SOS2: variants seen among roughly 807,000 people sequenced by gnomAD.
SOS2 encodes the protein SOS Ras/Rho guanine nucleotide exchange factor 2.
In SOS2, 65 loss-of-function variants were observed where a neutral mutation model predicts 148.2. The ratio of observed to expected loss-of-function variants is 0.44; its 90% CI spans 0.36 to 0.54. The LOEUF is 0.54. SOS2 is among the 20% of genes least tolerant of loss of function. The probability of loss-of-function intolerance (pLI) is 0.00; values close to 1 mark genes in which losing one functional copy is unlikely to be tolerated. For missense variants in SOS2, 1,341 were observed against 1,590.2 expected (o/e 0.84, Z 2.67); for synonymous variants, 539 against 537.1 (o/e 1.00, Z -0.05).
chr14:50,159,028 A>G (rs994842291), intron 10 of SOS2, among the ~76,000 whole-genome samples: 2 of 151,878 alleles, frequency 1.3e-5, no homozygotes, highest in African/African-American at 4.8e-5. Flanking sequence ...ACTAAAAATA[A>G]AGAAAAAAAA....
chr14:50,150,783 C>T (rs980377746), intron 13 of SOS2, among the ~76,000 whole-genome samples: 14 of 152,048 alleles, frequency 9.2e-5, no homozygotes, highest in African/African-American at 3.4e-4. Flanking sequence ...AGAATAATGG[C>T]GTGATCTCGG....
intron 19 of SOS2, 56 bp from the exon 20 acceptor site, chr14:50,130,818 C>T: frequency 6.7e-7 from 1 of 1,501,856 alleles, no homozygotes; most frequent in South Asian, 1.3e-5. Flanking sequence ...CAATTTGTTT[C>T]TGTGACTTAG....
rs778752431 is a variant in SOS2, at chr14:50,117,214, TAAAC to T, written c.*1126_*1129del. The stretch of plus-strand genomic sequence containing the variant: ...CAGTAAAAGGCCACAAACCAGTAAA[TAAAC>T]AACGTGGCTTTTGGCTACTTTACAA... On this transcript the variant is annotated 3_prime_UTR_variant, in exon 23 of 23. Transcript: ENST00000216373. 2.0e-5 allele frequency: 3 copies of T among 152,166 alleles called. No individual in the cohort carries two copies. The highest frequency in any genetic ancestry group is 4.8e-5 in the African/African-American group (2 of 41,440). 9.4% of individuals were successfully genotyped at this position (152,166 alleles called of 1,614,324 possible).
At chr14:50,222,769 C>G (rs1887238741) in intron 1 of SOS2, among the ~76,000 whole-genome samples, 1 of 152,162 alleles carries the variant, frequency 6.6e-6, no homozygotes, top group African/African-American at 2.4e-5. Context: ...GGAGGTGGGG[C>G]AGCCCTAGAC....
rs1173204281 is a variant in SOS2, at chr14:50,118,403, G to A, written c.3940C>T (p.Leu1314Phe). 6.2e-7 allele frequency: 1 copy of A among 1,614,164 alleles called. No individual in the cohort carries two copies. The highest frequency in any genetic ancestry group is 8.5e-7 in the Non-Finnish European group (1 of 1,180,030). ...KLPPKTYKRELSHPPLYRLPL... is the reference protein window; with the variant it reads ...KLPPKTYKREFSHPPLYRLPL... ...AGTCTGTACAATGGGGGGTGCGAAA[G>A]CTCCCGTTTGTAAGTCTTTGGTGGC... The change falls in exon 23 of 23, where the codon CTT becomes TTT. Residue 1314 changes from leucine (L) to phenylalanine (F), a missense_variant. This residue lies in a region of SOS2 where 354 missense variants were observed against 347.7 expected (regional missense o/e 1.02). Coordinates refer to ENST00000216373, the MANE Select transcript of SOS2 (RefSeq NM_006939.4).
chr14:50,184,307 C>A lies in SOS2; in HGVS notation c.715-1701G>T, dbSNP rs560307664. On this transcript the variant is annotated intron_variant, in intron 5 of 22. Transcript: ENST00000216373. ...AATGGAAACATCACGGGCTTTGGAACCTGACAGACCTGAGCTTGGATCCTG... is the reference window on the plus strand; with the variant it reads ...AATGGAAACATCACGGGCTTTGGAAACTGACAGACCTGAGCTTGGATCCTG... Among the ~76,000 whole-genome samples, 6 of 152,212 alleles carry A rather than the reference C, an allele frequency of 3.9e-5. No individual in the cohort carries two copies. The South Asian group carries it at 1.2e-3, about 32-fold the overall frequency.
At chr14:50,144,665 T>G (rs1433530194) in intron 16 of SOS2, among the ~76,000 whole-genome samples, 1 of 152,158 alleles carries the variant, frequency 6.6e-6, no homozygotes, top group Non-Finnish European at 1.5e-5. Context: ...TTCGAACTCC[T>G]GAGCTCAGGT....
At chr14:50,229,850 T>C (rs1887487751) in intron 1 of SOS2, among the ~76,000 whole-genome samples, 1 of 152,224 alleles carries the variant, frequency 6.6e-6, no homozygotes, top group Non-Finnish European at 1.5e-5. Flanking sequence ...AAAGGGCTAA[T>C]TACTATCTAG....
chr14:50,229,153 G>C (rs1044785728), intron 1 of SOS2, among the ~76,000 whole-genome samples: 1 of 152,068 alleles, frequency 6.6e-6, no homozygotes, highest in Non-Finnish European at 1.5e-5. Flanking sequence ...GCTCTTAGCA[G>C]GCACTACAGA....
At chr14:50,139,100 T>C (rs1221260498) in intron 17 of SOS2, among the ~76,000 whole-genome samples, 1 of 152,190 alleles carries the variant, frequency 6.6e-6, no homozygotes, top group African/African-American at 2.4e-5. Flanking sequence ...GTTAAATCTA[T>C]TCTGACCAAA....
chr14:50,226,915 C>A (rs1003321181), intron 1 of SOS2, among the ~76,000 whole-genome samples: 8 of 152,172 alleles, frequency 5.3e-5, no homozygotes, highest in African/African-American at 1.9e-4. Flanking sequence ...AGGTAATAAA[C>A]TGCATTTACA....
chr14:50,142,384 A>G (rs1048018737), intron 16 of SOS2, among the ~76,000 whole-genome samples: 1 of 152,186 alleles, frequency 6.6e-6, no homozygotes, highest in Non-Finnish European at 1.5e-5. Flanking sequence ...GCAAACACCC[A>G]AACAGAAAAA....
intron 19 of SOS2, 42 bp downstream of exon 19, chr14:50,134,081 T>A (rs1480141262): frequency 3.1e-6 from 3 of 959,284 alleles, no homozygotes; most frequent in Non-Finnish European, 5.1e-6. Context: ...AATAATATTT[T>A]AAAAAACAGA....
At chr14:50,181,951 C>CA (rs1221588567) in intron 6 of SOS2, among the ~76,000 whole-genome samples, 1 of 144,916 alleles carries the variant, frequency 6.9e-6, no homozygotes, top group East Asian at 2.0e-4. Context: ...GAGCTATGGT[C>CA]AATAAAATGT....
intron 19 of SOS2, 30 bp downstream of exon 19, chr14:50,134,093 C>A: frequency 9.7e-7 from 1 of 1,035,500 alleles, no homozygotes; most frequent in Non-Finnish European, 1.5e-6. Flanking sequence ...AAAAACAGAA[C>A]ACTTGTTCCC....
At chr14:50,182,702 C>T in intron 5 of SOS2, 96 bp from the exon 6 acceptor site, 2 of 929,124 alleles carry the variant, frequency 2.2e-6, no homozygotes, top group Non-Finnish European at 1.6e-6. Flanking sequence ...TCGAGGCAGA[C>T]TGCCTATGGA....
At chr14:50,228,245 T>C (rs1461855033) in intron 1 of SOS2, among the ~76,000 whole-genome samples, 3 of 152,032 alleles carry the variant, frequency 2.0e-5, no homozygotes. Flanking sequence ...GGTTTCACCA[T>C]GCTGGCCAGG....
intron 1 of SOS2, among the ~76,000 whole-genome samples, chr14:50,230,215 C>T (rs563346938): frequency 6.6e-6 from 1 of 152,266 alleles, no homozygotes; most frequent in South Asian, 2.1e-4. Context: ...GATATATTTT[C>T]CAAGTATAGT....
intron 18 of SOS2, among the ~76,000 whole-genome samples, chr14:50,137,670 T>G (rs1566822537): frequency 6.6e-6 from 1 of 152,100 alleles, no homozygotes; most frequent in South Asian, 2.1e-4. Flanking sequence ...TTTTTAAAAT[T>G]TTTAATTTTC....
Sources: allele counts gnomAD v4.1 joint callset (sites outside exome capture counted in the v4.1 genomes callset), GRCh38; gene constraint gnomAD v4.1.1; regional missense constraint gnomAD v4.1.1; transcripts MANE v1.5; gene names NCBI Gene and HGNC (gene_info 2026-07-23, HGNC 2026-07-21).